Variants in WRN observed in about 807,000 individuals in gnomAD.
The protein encoded by WRN is bifunctional 3'-5' exonuclease/ATP-dependent helicase WRN.
WRN carries 149 observed loss-of-function variants against 180.7 expected under a neutral mutation model. That is an observed-to-expected ratio of 0.82 (90% confidence interval 0.72 to 0.94). The LOEUF (loss-of-function observed/expected upper bound fraction) is 0.94. Ranked by LOEUF, WRN falls within the 40% of genes least tolerant of loss-of-function variation. The probability of loss-of-function intolerance (pLI) is 0.00; values close to 1 mark genes in which losing one functional copy is unlikely to be tolerated. For missense variants in WRN, 1,661 were observed against 1,700.1 expected, an observed-to-expected ratio of 0.98 and a Z score of 0.40; for synonymous variants, 548 against 568.9, an observed-to-expected ratio of 0.96 and a Z score of 0.52.
intron 19 of WRN, among the ~76,000 whole-genome samples, chr8:31,113,206 A>C (rs913123045): frequency 6.9e-4 from 37 of 53,380 alleles, no homozygotes; most frequent in Middle Eastern, 0.012. Context: ...GCCCCGTTTC[A>C]AAAAAAAAAA....
At chr8:31,051,111 A>G (rs1585394174) in intron 1 of WRN, among the ~76,000 whole-genome samples, 1 of 151,900 alleles carries the variant, frequency 6.6e-6, no homozygotes, top group South Asian at 2.1e-4. Context: ...AAAGAGTGGG[A>G]TACTTTATTC....
In WRN at chr8:31,115,640, A is replaced by G. The variant is rs532314054; in HGVS notation, c.2274-714A>G. On this transcript the variant is annotated intron_variant, in intron 19 of 34. Coordinates refer to ENST00000298139, the MANE Select transcript of WRN (RefSeq NM_000553.6). ...TAACTTTTCCTAAATCTAAAATAGTATAGTCTTTTTTATATTGTCAGCATA... is the reference window on the plus strand; with the variant it reads ...TAACTTTTCCTAAATCTAAAATAGTGTAGTCTTTTTTATATTGTCAGCATA... 7.9e-5 allele frequency among the ~76,000 whole-genome samples: 12 copies of G among 152,314 alleles called. No homozygotes were observed. In the East Asian group the frequency reaches 1.7e-3, roughly 22 times the overall value.
intron 3 of WRN, among the ~76,000 whole-genome samples, chr8:31,060,162 C>T (rs1220536545): frequency 6.6e-6 from 1 of 152,040 alleles, no homozygotes; most frequent in Non-Finnish European, 1.5e-5. Flanking sequence ...TGCAATAGTG[C>T]AATCTAAGGC....
chr8:31,147,869 CTCT>C (rs1170737185), intron 30 of WRN, among the ~76,000 whole-genome samples: 7 of 149,662 alleles, frequency 4.7e-5, no homozygotes, highest in East Asian at 3.9e-4. Flanking sequence ...CTTCGTCTTC[CTCT>C]TCTTCTTCTT....
intron 1 of WRN, among the ~76,000 whole-genome samples, chr8:31,054,852 T>G (rs1169161970): frequency 6.6e-6 from 1 of 152,206 alleles, no homozygotes; most frequent in African/African-American, 2.4e-5. Flanking sequence ...CACCTACATA[T>G]TAAGCCCCGC....
rs200291937 is a variant in WRN, at chr8:31,096,786, A to G, written c.1917A>G (p.Val639=). The G allele has an allele frequency of 5.0e-6, 8 of 1,604,248 alleles. 1 individual carries two copies. The East Asian group carries it at 1.8e-4, about 36-fold the overall frequency. ...TTTACAGAGGTAAATACCGGATTGT[A>G]TACGTAACTCCAGAATACTGTTCAG... is the stretch of plus-strand genomic sequence containing the variant. ...TDIKLGKYRI[V]YVTPEYCSGN... is the part of the protein sequence containing the mutation. The change falls in exon 17 of 35, where the codon GTA becomes GTG. Residue 639 remains valine, a synonymous_variant. Coordinates refer to ENST00000298139, the MANE Select transcript of WRN (RefSeq NM_000553.6).
At chr8:31,140,003 GTTTTTTTTTTTTTT>G (rs71539917) in intron 24 of WRN, among the ~76,000 whole-genome samples, 2 of 62,086 alleles carry the variant, frequency 3.2e-5, no homozygotes, top group Non-Finnish European at 5.8e-5. Flanking sequence ...ATACTTCTTT[GTTTTTTTTTTTTTT>G]TTTTTTTTTT....
rs1801797933 is a variant in WRN, at chr8:31,123,307, C to T, written c.2631-1215C>T. On this transcript the variant is annotated intron_variant, in intron 21 of 34. Coordinates refer to ENST00000298139, the MANE Select transcript of WRN (RefSeq NM_000553.6). ...TACTGTGCCTAATTTATAAATTAAACTTTTTCATAGGTATATACATATAGG... is the reference window on the plus strand; with the variant it reads ...TACTGTGCCTAATTTATAAATTAAATTTTTTCATAGGTATATACATATAGG... Among the ~76,000 whole-genome samples the T allele has an allele frequency of 3.3e-5, 5 of 152,166 alleles. No homozygotes were observed. The South Asian group carries it at 1.0e-3, about 32-fold the overall frequency.
chr8:31,097,709 A>G (rs1335682283), intron 17 of WRN, among the ~76,000 whole-genome samples: 1 of 151,980 alleles, frequency 6.6e-6, no homozygotes, highest in Non-Finnish European at 1.5e-5. Flanking sequence ...AGCCTGGGAG[A>G]TGAAGGCTGC....
chr8:31,038,979 C>T (rs1244610422), intron 1 of WRN, among the ~76,000 whole-genome samples: 1 of 152,134 alleles, frequency 6.6e-6, no homozygotes, highest in Non-Finnish European at 1.5e-5. Flanking sequence ...ATTACAGTAG[C>T]TTTGTAGTAA....
intron 1 of WRN, among the ~76,000 whole-genome samples, chr8:31,057,765 A>G (rs1812330358): frequency 6.6e-6 from 1 of 151,676 alleles, no homozygotes; most frequent in Non-Finnish European, 1.5e-5. Context: ...TTAAATGCAC[A>G]CACCACGTTT....
chr8:31,147,523 T>C (rs777993112), intron 30 of WRN, 47 bp downstream of exon 30: 5 of 1,558,562 alleles, frequency 3.2e-6, no homozygotes, highest in Non-Finnish European at 4.4e-6. Flanking sequence ...TCTAACAAAA[T>C]AGATTTGGAA....
At chr8:31,083,300 T>C (rs1350276706) in intron 9 of WRN, among the ~76,000 whole-genome samples, 1 of 152,220 alleles carries the variant, frequency 6.6e-6, no homozygotes, top group Non-Finnish European at 1.5e-5. Context: ...TTTAAATCAG[T>C]GGATGTCAAG....
rs1585466694 is a variant in WRN at position 31,108,113 on chromosome 8, G to A, written c.2089-3502G>A. Among the ~76,000 whole-genome samples the A allele has an allele frequency of 2.6e-5, 4 of 152,144 alleles. No homozygotes were observed. In the South Asian group the frequency reaches 8.3e-4, roughly 32 times the overall value. ...ATATGTCTAAGATTAATTTATATTTGGTTGTTTGATTTAGCAAAACTTGCT... is the reference window on the plus strand; with the variant it reads ...ATATGTCTAAGATTAATTTATATTTAGTTGTTTGATTTAGCAAAACTTGCT... On this transcript the variant is annotated intron_variant, in intron 18 of 34. Transcript: ENST00000298139.
At chr8:31,126,576 A>G (rs1045548756) in intron 23 of WRN, among the ~76,000 whole-genome samples, 4 of 152,218 alleles carry the variant, frequency 2.6e-5, no homozygotes, top group Non-Finnish European at 5.9e-5. Flanking sequence ...ATCTTAAGCA[A>G]CAAGCAAATA....
chr8:31,083,943 C>G (rs1813421784), intron 10 of WRN, among the ~76,000 whole-genome samples, 164 bp downstream of exon 10: 1 of 152,094 alleles, frequency 6.6e-6, no homozygotes, highest in African/African-American at 2.4e-5. Flanking sequence ...TTCATGTAGT[C>G]TATAAATAAT....
intron 3 of WRN, among the ~76,000 whole-genome samples, chr8:31,060,018 T>C (rs928830403): frequency 1.3e-5 from 2 of 151,650 alleles, no homozygotes; most frequent in Non-Finnish European, 2.9e-5. Context: ...ATTGCATCAC[T>C]GCACTCCAGC....
At chr8:31,128,329 C>T (rs997926869) in intron 23 of WRN, among the ~76,000 whole-genome samples, 6 of 151,564 alleles carry the variant, frequency 4.0e-5, no homozygotes, top group Non-Finnish European at 8.9e-5. Flanking sequence ...GTATATGGAG[C>T]CCTAGAGCAA....
At chr8:31,080,734 A>T in intron 8 of WRN, 133 bp from the exon 9 acceptor site, 1 of 737,046 alleles carries the variant, frequency 1.4e-6, no homozygotes, top group South Asian at 2.0e-5. Context: ...GGGAATGAAG[A>T]ACAGCCTTAA....
Sources: allele counts gnomAD v4.1 joint callset (sites outside exome capture counted in the v4.1 genomes callset), GRCh38; gene constraint gnomAD v4.1.1; transcripts MANE v1.5; gene names NCBI Gene and HGNC (gene_info 2026-07-23, HGNC 2026-07-21).